The following FAM149B1 variants were observed in gnomAD, a reference collection of about 807,000 sequenced individuals.
FAM149B1 encodes the protein family with sequence similarity 149 member B1.
A neutral mutation model predicts 75.3 loss-of-function variants in FAM149B1; 56 were observed. That is an observed-to-expected ratio of 0.74 (90% CI 0.60 to 0.93). The LOEUF (loss-of-function observed/expected upper bound fraction) is 0.93. FAM149B1 is among the 40% of genes least tolerant of loss of function. The pLI is 0.00. For synonymous variants in FAM149B1, 259 were observed against 256.1 expected (o/e 1.01, Z -0.11); for missense variants, 639 against 708.4 (o/e 0.90, Z 1.11).
rs11525246 is a variant in FAM149B1 at position 73,186,745 on chromosome 10, C to T, written c.283-5811C>T. On this transcript the variant is annotated intron_variant, in intron 3 of 13. Transcript: ENST00000242505. ...CGATACATGTTACAACTTGGATGAA[C>T]CTTCAAAACATGCTAAGTGAAAGAA... is the stretch of plus-strand genomic sequence containing the variant. Among the ~76,000 whole-genome samples the T allele has an allele frequency of 2.5e-4, 38 of 152,306 alleles. No homozygotes were observed. In the East Asian group the frequency reaches 6.9e-3, roughly 28 times the overall value.
At chr10:73,210,687 G>C (rs903251006) in intron 7 of FAM149B1, among the ~76,000 whole-genome samples, 2 of 152,038 alleles carry the variant, frequency 1.3e-5, no homozygotes, top group Non-Finnish European at 2.9e-5. Flanking sequence ...GCCAGGCATG[G>C]TGGCATTCAC....
At chr10:73,174,485 G>A (rs1331906049) in intron 1 of FAM149B1, among the ~76,000 whole-genome samples, 1 of 152,094 alleles carries the variant, frequency 6.6e-6, no homozygotes, top group Non-Finnish European at 1.5e-5. Flanking sequence ...AATAAATGAA[G>A]TATTGCAAAT....
rs375675271 is a variant in FAM149B1 at position 73,199,901 on chromosome 10, G to A, written c.542+6308G>A. The A allele has an allele frequency of 1.5e-3, 265 of 179,340 alleles. 8 individuals carry two copies. The South Asian group carries it at 0.036, about 24-fold the overall frequency. The allele number at this position is 179,340 out of a possible 1,614,324, so 11.1% of individuals were successfully genotyped here. A position where few individuals can be genotyped will look rare whatever the true frequency, so the allele number is the denominator to read the frequency against. On this transcript the variant is annotated intron_variant, in intron 5 of 13. Coordinates refer to ENST00000242505, the MANE Select transcript of FAM149B1 (RefSeq NM_173348.2). ...GAGAATGGACCCTGATGGTGTCATCGAGAGCAACTGGAAGGAGGTTGTTGA... is the reference window on the plus strand; with the variant it reads ...GAGAATGGACCCTGATGGTGTCATCAAGAGCAACTGGAAGGAGGTTGTTGA...
At chr10:73,207,501 T>C (rs569897240) in intron 5 of FAM149B1, among the ~76,000 whole-genome samples, 24 of 151,584 alleles carry the variant, frequency 1.6e-4, no homozygotes, top group Non-Finnish European at 2.2e-4. Context: ...GAGGCAGAGG[T>C]TGCAGTGGGC....
rs532442577 is a variant in FAM149B1, at chr10:73,236,340, T to A, written c.1602+1022T>A. Among the ~76,000 whole-genome samples the A allele has an allele frequency of 5.8e-4, 88 of 152,140 alleles. 1 individual carries two copies. The Middle Eastern group carries it at 0.024, about 42-fold the overall frequency. On this transcript the variant is annotated intron_variant, in intron 12 of 13. Coordinates refer to ENST00000242505, the MANE Select transcript of FAM149B1 (RefSeq NM_173348.2). The stretch of plus-strand genomic sequence containing the variant: ...GTCTAGGGAAGAATCTTTTTGTCTC[T>A]TCCTGGATTCTGGTGGCCACCTGTG...
At chr10:73,225,163 G>A (rs2043509234) in intron 7 of FAM149B1, among the ~76,000 whole-genome samples, 1 of 152,190 alleles carries the variant, frequency 6.6e-6, no homozygotes, top group Non-Finnish European at 1.5e-5. Flanking sequence ...TATGTTACTG[G>A]TTTATGTATA....
chr10:73,207,906 G>A (rs989166756), intron 5 of FAM149B1, among the ~76,000 whole-genome samples: 14 of 152,242 alleles, frequency 9.2e-5, no homozygotes, highest in African/African-American at 2.4e-4. Flanking sequence ...CAGAGGAGAC[G>A]TGGGACTTTG....
At position 73,210,432 on chromosome 10, in the gene FAM149B1, G is replaced by A; in HGVS notation, c.892G>A (p.Ala298Thr). The A allele has an allele frequency of 6.5e-7, 1 of 1,537,116 alleles. No individual in the cohort carries two copies. The highest frequency in any genetic ancestry group is 2.5e-5 in the East Asian group (1 of 40,714). The change falls in exon 7 of 14, where the codon GCC becomes ACC. Residue 298 changes from alanine to threonine, a missense_variant. Coordinates refer to ENST00000242505, the MANE Select transcript of FAM149B1 (RefSeq NM_173348.2). ...QLTRSHWEGFASDDESNVAVT... is the reference protein window; with the variant it reads ...QLTRSHWEGFTSDDESNVAVT... The stretch of plus-strand genomic sequence containing the variant: ...GACACGTAGTCACTGGGAAGGATTT[G>A]CCTCTGGTAAGGATCTTTGTGAAAA...
intron 9 of FAM149B1, 198 bp downstream of exon 9, chr10:73,230,723 A>C (rs2043672658): frequency 4.0e-6 from 2 of 501,736 alleles, no homozygotes; most frequent in African/African-American, 3.9e-5. Flanking sequence ...TACGTGGGTA[A>C]AAAAAGACCT....
chr10:73,233,226 T>A, intron 10 of FAM149B1, 63 bp downstream of exon 10: 1 of 1,118,690 alleles, frequency 8.9e-7, no homozygotes, highest in Non-Finnish European at 1.3e-6. Flanking sequence ...ACATACAGAA[T>A]TAATTTAAAT....
intron 5 of FAM149B1, among the ~76,000 whole-genome samples, chr10:73,203,208 A>G (rs1035499538): frequency 6.6e-6 from 1 of 152,186 alleles, no homozygotes; most frequent in Non-Finnish European, 1.5e-5. Context: ...GAAGGGCTAA[A>G]TGGTATCCCT....
intron 12 of FAM149B1, 35 bp from the exon 13 acceptor site, chr10:73,239,277 G>C: frequency 6.7e-7 from 1 of 1,498,086 alleles, no homozygotes; most frequent in Admixed American, 2.0e-5. Context: ...GTGAGAAGAT[G>C]CATCATAAGA....
intron 2 of FAM149B1, among the ~76,000 whole-genome samples, chr10:73,176,384 C>T (rs1223465955): frequency 2.6e-5 from 4 of 152,150 alleles, no homozygotes; most frequent in African/African-American, 9.7e-5. Context: ...CGGTCTGTGA[C>T]CCCGGGGTTC....
intron 9 of FAM149B1, chr10:73,231,245 G>GT (rs1323812715): frequency 6.6e-6 from 1 of 152,066 alleles, no homozygotes; most frequent in African/African-American, 2.4e-5. Flanking sequence ...ATTAACAAGG[G>GT]TCATTTCCAG....
chr10:73,193,182 A>C (rs1437189853), intron 4 of FAM149B1, among the ~76,000 whole-genome samples: 1 of 152,160 alleles, frequency 6.6e-6, no homozygotes, highest in East Asian at 1.9e-4. Flanking sequence ...TCCCATTTTG[A>C]CTGATTTAAT....
chr10:73,234,976 C>T lies in FAM149B1; in HGVS notation c.1476+36C>T, dbSNP rs185843840. On this transcript the variant is annotated intron_variant, in intron 11 of 13. Transcript: ENST00000242505. Reference sequence around the variant, plus strand: ...TTCATATTGCCTCTCCATGTACTTACCATACAACCTAATGGGCAGTAATTC... The same window carrying T: ...TTCATATTGCCTCTCCATGTACTTATCATACAACCTAATGGGCAGTAATTC... The T allele has an allele frequency of 2.6e-4, 395 of 1,548,122 alleles. 1 individual carries two copies. The highest frequency in any genetic ancestry group is 4.4e-4 in the East Asian group (18 of 40,900).
At chr10:73,184,930 A>G (rs1478470582) in intron 3 of FAM149B1, among the ~76,000 whole-genome samples, 1 of 152,194 alleles carries the variant, frequency 6.6e-6, no homozygotes, top group African/African-American at 2.4e-5. Flanking sequence ...CAGAAAAACA[A>G]TAGAGAAAAT....
intron 12 of FAM149B1, among the ~76,000 whole-genome samples, chr10:73,238,407 C>T (rs2043870793): frequency 6.6e-6 from 1 of 152,224 alleles, no homozygotes; most frequent in Non-Finnish European, 1.5e-5. Flanking sequence ...TAGCACTTTG[C>T]TCCTTGCTGT....
chr10:73,204,451 A>T (rs1052023820), intron 5 of FAM149B1, among the ~76,000 whole-genome samples: 4 of 151,536 alleles, frequency 2.6e-5, no homozygotes, highest in Admixed American at 1.3e-4. Flanking sequence ...TTTTCCTAAT[A>T]AAAAAAAATA....
Sources: allele counts gnomAD v4.1 joint callset (sites outside exome capture counted in the v4.1 genomes callset), GRCh38; gene constraint gnomAD v4.1.1; transcripts MANE v1.5; gene names NCBI Gene and HGNC (gene_info 2026-07-23, HGNC 2026-07-21).